CORO2A: variants seen among roughly 807,000 people sequenced by gnomAD.
The protein encoded by CORO2A is coronin-2A.
Under a neutral mutation model 62.4 loss-of-function variants are expected in CORO2A, and 47 were observed. The ratio of observed to expected loss-of-function variants is 0.75; its 90% CI spans 0.60 to 0.96. The LOEUF (loss-of-function observed/expected upper bound fraction) is 0.96, where lower values mean the gene tolerates loss of function less well. Among genes scored for constraint, CORO2A ranks in the 40% least tolerant of loss-of-function variants. CORO2A has a pLI of 0.00. For missense variants in CORO2A, 610 were observed against 684.1 expected (o/e 0.89, Z 1.21); for synonymous variants, 273 against 268.9 (o/e 1.02, Z -0.15).
chr9:98,191,708 C>T (rs73503030), intron 1 of CORO2A, among the ~76,000 whole-genome samples: 4,268 of 152,300 alleles, frequency 0.028, 196 homozygotes, highest in African/African-American at 0.097. Context: ...TCCCTCAGAC[C>T]TGTGCTCTGC....
At chr9:98,128,955 CA>C (rs1463164671) in intron 8 of CORO2A, among the ~76,000 whole-genome samples, 6 of 152,198 alleles carry the variant, frequency 3.9e-5, no homozygotes, top group African/African-American at 1.4e-4. Context: ...CTTTTTGACA[CA>C]AGGTCTCACT....
At chr9:98,129,531 T>C (rs1288809270) in intron 8 of CORO2A, among the ~76,000 whole-genome samples, 1 of 152,194 alleles carries the variant, frequency 6.6e-6, no homozygotes, top group Non-Finnish European at 1.5e-5. Flanking sequence ...CACATCCCTC[T>C]CTCCCCTGCT....
At position 98,157,490 on chromosome 9, in the gene CORO2A, TCCA is replaced by T; in HGVS notation, c.168_170del (p.Gly58del). 1 of 1,614,176 alleles carries T rather than the reference TCCA, an allele frequency of 6.2e-7. No homozygotes were observed. The highest frequency in any genetic ancestry group is 8.5e-7 in the Non-Finnish European group (1 of 1,180,028). On this transcript the variant is annotated inframe_deletion, in exon 2 of 12. Transcript: ENST00000375077. ...GCAGGGGGATGACGAGGAAGGCCCCTCCACCAGCACACTCAGTCACAACTGCAA... is the reference window on the plus strand; with the variant it reads ...GCAGGGGGATGACGAGGAAGGCCCCTCCAGCACACTCAGTCACAACTGCAA...
chr9:98,128,136 A>G (rs774164287), intron 10 of CORO2A, 34 bp downstream of exon 10: 3 of 1,561,804 alleles, frequency 1.9e-6, no homozygotes, highest in South Asian at 2.3e-5. Flanking sequence ...TGTTCCTGTC[A>G]CATTTGCCTG....
intron 2 of CORO2A, among the ~76,000 whole-genome samples, chr9:98,147,238 T>A (rs1485733990): frequency 6.6e-6 from 1 of 151,984 alleles, no homozygotes; most frequent in Non-Finnish European, 1.5e-5. Flanking sequence ...GAATTAGGAA[T>A]CAGGTGACAC....
At chr9:98,185,952 G>A (rs1229981017) in intron 1 of CORO2A, among the ~76,000 whole-genome samples, 2 of 152,234 alleles carry the variant, frequency 1.3e-5, no homozygotes, top group African/African-American at 4.8e-5. Context: ...CAGGGGACCT[G>A]CAGTGTGGGC....
intron 1 of CORO2A, among the ~76,000 whole-genome samples, chr9:98,181,022 C>T (rs1237628215): frequency 6.6e-6 from 1 of 152,232 alleles, no homozygotes; most frequent in Non-Finnish European, 1.5e-5. Flanking sequence ...AAATCCCTCA[C>T]GCCACTGACT....
intron 4 of CORO2A, among the ~76,000 whole-genome samples, chr9:98,134,066 T>C (rs1363864328): frequency 6.6e-6 from 1 of 152,178 alleles, no homozygotes; most frequent in Non-Finnish European, 1.5e-5. Context: ...ACCTCCCTTT[T>C]ATCCAACACA....
chr9:98,167,755 G>C (rs566759623), intron 1 of CORO2A, among the ~76,000 whole-genome samples: 100 of 152,326 alleles, frequency 6.6e-4, no homozygotes, highest in African/African-American at 2.4e-3. Context: ...TTAGACAAGA[G>C]TCTTTATCTT....
intron 1 of CORO2A, among the ~76,000 whole-genome samples, chr9:98,185,133 G>T (rs994727075): frequency 3.3e-5 from 5 of 152,046 alleles, no homozygotes; most frequent in African/African-American, 1.2e-4. Flanking sequence ...CCCAGCTCAG[G>T]CATCAGCTCC....
intron 1 of CORO2A, among the ~76,000 whole-genome samples, chr9:98,158,967 C>T (rs1314854478): frequency 3.3e-5 from 5 of 152,028 alleles, no homozygotes; most frequent in Non-Finnish European, 7.4e-5. Flanking sequence ...ATGGCCAAAC[C>T]CATACCCATA....
Position 98,149,658 on chromosome 9 carries a change from G to A in CORO2A, c.201+7802C>T. Among the ~76,000 whole-genome samples, 2 of 152,106 alleles carry A rather than the reference G, an allele frequency of 1.3e-5. 1 individual carries two copies. Among genetic ancestry groups the A allele is most frequent in the East Asian group, 3.9e-4 (2 of 5,184 alleles). On this transcript the variant is annotated intron_variant, in intron 2 of 11. Transcript: ENST00000375077. ...TCAGGTGAACTCATTATCACAGGGA[G>A]GGCATCAAGCCATTCATGAGCTGCC...
At chr9:98,143,390 T>A (rs1195776244) in intron 2 of CORO2A, among the ~76,000 whole-genome samples, 1 of 152,084 alleles carries the variant, frequency 6.6e-6, no homozygotes, top group East Asian at 1.9e-4. Context: ...CAAATGAGCA[T>A]CCCAACAGCT....
At chr9:98,145,741 A>G (rs1827636135) in intron 2 of CORO2A, among the ~76,000 whole-genome samples, 1 of 151,938 alleles carries the variant, frequency 6.6e-6, no homozygotes, top group African/African-American at 2.4e-5. Context: ...GAGACAGAGT[A>G]TTGCTCTGTC....
chr9:98,150,514 C>A (rs1238120697), intron 2 of CORO2A, among the ~76,000 whole-genome samples: 1 of 152,210 alleles, frequency 6.6e-6, no homozygotes. Context: ...ATCACCTTCC[C>A]AGGAATGCCT....
chr9:98,192,293 G>T (rs574064658), intron 1 of CORO2A, among the ~76,000 whole-genome samples: 42 of 152,370 alleles, frequency 2.8e-4, no homozygotes, highest in Non-Finnish European at 2.6e-4. Flanking sequence ...GAGCCGTCGG[G>T]AGCCCGGACC....
chr9:98,155,471 C>T lies in CORO2A; in HGVS notation c.201+1989G>A, dbSNP rs1197005361. Among the ~76,000 whole-genome samples the T allele has an allele frequency of 7.3e-5, 11 of 151,568 alleles. No individual in the cohort carries two copies. The South Asian group carries it at 8.4e-4, about 12-fold the overall frequency. The stretch of plus-strand genomic sequence containing the variant: ...AAGCAATTCTCCTGCCTCAGCCTCC[C>T]GAGTAGCTGGGATTACAGGTGCCCG... On this transcript the variant is annotated intron_variant, in intron 2 of 11. Transcript: ENST00000375077.
chr9:98,171,836 G>T (rs912747213), intron 1 of CORO2A, among the ~76,000 whole-genome samples: 1 of 152,142 alleles, frequency 6.6e-6, no homozygotes, highest in Admixed American at 6.5e-5. Context: ...GGGGCGCAGT[G>T]CTGAGGAGGG....
Position 98,165,069 on chromosome 9 carries a change from C to T in CORO2A, c.1-7409G>A, listed in dbSNP as rs548508814. On this transcript the variant is annotated intron_variant, in intron 1 of 11. Coordinates refer to ENST00000375077, the MANE Select transcript of CORO2A (RefSeq NM_052820.4). ...CTGCAGCCTCAACCTCCTGGGCTTG[C>T]GCAATCCTCTGGCTTCAGCCTCCTG... is the stretch of plus-strand genomic sequence containing the variant. 5.3e-5 allele frequency among the ~76,000 whole-genome samples: 8 copies of T among 152,198 alleles called. No homozygotes were observed. In the South Asian group the frequency reaches 1.0e-3, roughly 20 times the overall value.
Sources: allele counts gnomAD v4.1 joint callset (sites outside exome capture counted in the v4.1 genomes callset), GRCh38; gene constraint gnomAD v4.1.1; transcripts MANE v1.5; gene names NCBI Gene and HGNC (gene_info 2026-07-23, HGNC 2026-07-21).